Variants in EYA2 observed in about 807,000 individuals in gnomAD.
EYA2 encodes the protein protein phosphatase EYA2.
EYA2 carries 31 observed loss-of-function variants against 69.2 expected under a neutral mutation model. The observed-to-expected ratio is 0.45, with a 90% CI of 0.34 to 0.60. EYA2 has a LOEUF of 0.60. EYA2 is among the 20% of genes least tolerant of loss of function. The pLI, the probability that EYA2 is intolerant of heterozygous loss-of-function variation, is 0.02. For missense variants in EYA2, 622 were observed against 701.2 expected (o/e 0.89, Z 1.28); for synonymous variants, 257 against 279.4 (o/e 0.92, Z 0.80).
intron 1 of EYA2, among the ~76,000 whole-genome samples, chr20:46,941,873 C>T (rs1436764705): frequency 6.6e-6 from 1 of 152,088 alleles, no homozygotes; most frequent in Non-Finnish European, 1.5e-5. Flanking sequence ...ACTCTCCAAC[C>T]TCAGCCTCCT....
chr20:47,162,072 T>A (rs897820605), intron 10 of EYA2, among the ~76,000 whole-genome samples: 2 of 152,168 alleles, frequency 1.3e-5, no homozygotes, highest in African/African-American at 4.8e-5. Flanking sequence ...TCGGATGTCC[T>A]CTGACTCGTA....
intron 1 of EYA2, among the ~76,000 whole-genome samples, chr20:46,987,964 C>CTCTATATATATATATA (rs1555809797): frequency 1.8e-4 from 2 of 11,280 alleles, no homozygotes; most frequent in African/African-American, 2.7e-4. Flanking sequence ...CTCTCTCTCT[C>CTCTATATATATATATA]TATATATATA....
At chr20:47,006,227 T>A (rs1231760826) in intron 4 of EYA2, among the ~76,000 whole-genome samples, 1 of 152,202 alleles carries the variant, frequency 6.6e-6, no homozygotes, top group Non-Finnish European at 1.5e-5. Flanking sequence ...AGAAGATAGG[T>A]GCTGTGGGTG....
chr20:47,084,255 G>A (rs8182814), intron 7 of EYA2, among the ~76,000 whole-genome samples: 13 of 150,774 alleles, frequency 8.6e-5, no homozygotes. Context: ...CAAAAAAAAA[G>A]GCTGGCTCTG....
At chr20:46,954,561 T>C (rs1029472505) in intron 1 of EYA2, among the ~76,000 whole-genome samples, 2 of 152,246 alleles carry the variant, frequency 1.3e-5, no homozygotes, top group African/African-American at 4.8e-5. Context: ...AACACACTAA[T>C]ACAGTTTTTA....
intron 8 of EYA2, among the ~76,000 whole-genome samples, chr20:47,094,469 G>A (rs1279108950): frequency 1.3e-5 from 2 of 152,168 alleles, no homozygotes; most frequent in African/African-American, 4.8e-5. Context: ...CTTACTAATT[G>A]CTTCAGAAAT....
At chr20:47,138,267 T>G (rs1337145070) in intron 9 of EYA2, among the ~76,000 whole-genome samples, 1 of 152,138 alleles carries the variant, frequency 6.6e-6, no homozygotes, top group Non-Finnish European at 1.5e-5. Context: ...GCAACTAGTT[T>G]TTATCGTGTT....
chr20:46,929,152 C>CAAAAAAAA (rs11329475), intron 1 of EYA2, among the ~76,000 whole-genome samples: 3 of 98,280 alleles, frequency 3.1e-5, no homozygotes, highest in East Asian at 2.6e-4. Context: ...ATAAGTTGTG[C>CAAAAAAAA]AAAAAAAAAA....
intron 1 of EYA2, among the ~76,000 whole-genome samples, chr20:46,963,067 G>A (rs973643029): frequency 9.9e-5 from 15 of 152,210 alleles, no homozygotes; most frequent in Non-Finnish European, 2.1e-4. Flanking sequence ...ACACTGACTC[G>A]CACAGTGCCT....
At chr20:47,065,159 G>T (rs992902447) in intron 5 of EYA2, among the ~76,000 whole-genome samples, 3 of 152,082 alleles carry the variant, frequency 2.0e-5, no homozygotes, top group Non-Finnish European at 4.4e-5. Flanking sequence ...CTCCCACCAG[G>T]TCCCTCCCAT....
chr20:46,927,109 G>A (rs6018184), intron 1 of EYA2, among the ~76,000 whole-genome samples: 2,550 of 152,302 alleles, frequency 0.017, 84 homozygotes, highest in African/African-American at 0.058. Context: ...AGGTAGCCTC[G>A]TGCTGGGCGT....
chr20:46,958,655 T>G (rs1979287635), intron 1 of EYA2, among the ~76,000 whole-genome samples: 1 of 152,172 alleles, frequency 6.6e-6, no homozygotes, highest in African/African-American at 2.4e-5. Context: ...ACCCATAAAG[T>G]ACCCGTTAGT....
intron 8 of EYA2, among the ~76,000 whole-genome samples, chr20:47,091,443 A>G (rs2032081399): frequency 6.6e-6 from 1 of 152,196 alleles, no homozygotes; most frequent in Non-Finnish European, 1.5e-5. Context: ...TGCAAGCAAC[A>G]GAAACCAGTA....
chr20:47,105,681 G>A (rs540349756), intron 9 of EYA2, among the ~76,000 whole-genome samples: 92 of 150,798 alleles, frequency 6.1e-4, no homozygotes, highest in African/African-American at 1.4e-3. Context: ...CACCTGATGC[G>A]TTAAATATGT....
intron 9 of EYA2, among the ~76,000 whole-genome samples, chr20:47,111,503 G>A (rs2032746074): frequency 6.6e-6 from 1 of 152,182 alleles, no homozygotes; most frequent in South Asian, 2.1e-4. Flanking sequence ...GCTCCATGGG[G>A]TCTCTCATCC....
chr20:46,912,473 A>G (rs1984689416), intron 1 of EYA2, among the ~76,000 whole-genome samples: 1 of 152,206 alleles, frequency 6.6e-6, no homozygotes, highest in Non-Finnish European at 1.5e-5. Flanking sequence ...GAACACTTCT[A>G]TGAGGCAGCC....
intron 9 of EYA2, among the ~76,000 whole-genome samples, chr20:47,103,140 A>T (rs6063070): frequency 0.34 from 51,712 of 152,004 alleles, 9,116 homozygotes; most frequent in South Asian, 0.46. Context: ...TACCCTTTCG[A>T]TGTGTACAAT....
At position 47,161,273 on chromosome 20, in the gene EYA2, C is replaced by T. The variant is rs74478938; in HGVS notation, c.979-7866C>T. On this transcript the variant is annotated intron_variant, in intron 10 of 15. Transcript: ENST00000327619. ...GAGCTAGCCCAGGATGATGGCCCCG[C>T]GGATGGCGTGGCCACCTCCTTGGAG... 3,192 of 535,674 alleles carry T rather than the reference C, an allele frequency of 6.0e-3. 76 individuals carry two copies. The highest frequency in any genetic ancestry group is 0.052 in the African/African-American group (2,721 of 52,416). 33.2% of individuals were successfully genotyped at this position (535,674 alleles called of 1,614,324 possible). A position where few individuals can be genotyped will look rare whatever the true frequency, so the allele number is the denominator to read the frequency against.
chr20:47,051,101 A>G (rs892167626), intron 5 of EYA2, among the ~76,000 whole-genome samples: 3 of 152,252 alleles, frequency 2.0e-5, no homozygotes, highest in African/African-American at 7.2e-5. Flanking sequence ...CGCTAACCAG[A>G]TGTTGGCCTC....
Sources: allele counts gnomAD v4.1 joint callset (sites outside exome capture counted in the v4.1 genomes callset), GRCh38; gene constraint gnomAD v4.1.1; transcripts MANE v1.5; gene names NCBI Gene and HGNC (gene_info 2026-07-23, HGNC 2026-07-21).